Variants in SLC24A2 observed in about 807,000 individuals in gnomAD.
SLC24A2 encodes the protein solute carrier family 24 member 2, also known as sodium/potassium/calcium exchanger 2.
Under a neutral mutation model 62.0 loss-of-function variants are expected in SLC24A2, and 36 were observed. The ratio of observed to expected loss-of-function variants is 0.58; its 90% CI spans 0.44 to 0.77. The LOEUF is 0.77. Ranked by LOEUF, SLC24A2 falls within the 30% of genes least tolerant of loss-of-function variation. The pLI, the probability that SLC24A2 is intolerant of heterozygous loss-of-function variation, is 0.00. For synonymous variants in SLC24A2, 358 were observed against 294.0 expected (o/e 1.22, Z -2.23); for missense variants, 846 against 817.9 (o/e 1.03, Z -0.42).
chr9:20,165,835 C>G, the SLC24A2 span, among the ~76,000 whole-genome samples: 1 of 151,584 alleles, frequency 6.6e-6, no homozygotes, highest in Non-Finnish European at 1.5e-5. Context: ...AATAAACACA[C>G]CAGAAACAAA....
chr9:19,707,169 A>G (rs1461081059), intron 2 of SLC24A2, among the ~76,000 whole-genome samples: 8 of 151,720 alleles, frequency 5.3e-5, no homozygotes, highest in African/African-American at 1.5e-4. Context: ...AAATGGATAA[A>G]TTCCTCGACA....
At chr9:19,817,287 G>T in the SLC24A2 span, among the ~76,000 whole-genome samples, 4 of 151,654 alleles carry the variant, frequency 2.6e-5, no homozygotes, top group Non-Finnish European at 5.9e-5. Flanking sequence ...ACTCCTGCTT[G>T]AATTTTATCC....
chr9:20,039,591 A>G, the SLC24A2 span, among the ~76,000 whole-genome samples: 1 of 152,080 alleles, frequency 6.6e-6, no homozygotes, highest in Non-Finnish European at 1.5e-5. Context: ...GCAAGTCCCC[A>G]GTTCCTGGGC....
At chr9:19,662,521 G>T (rs1055189675) in intron 2 of SLC24A2, among the ~76,000 whole-genome samples, 1 of 152,194 alleles carries the variant, frequency 6.6e-6, no homozygotes, top group Non-Finnish European at 1.5e-5. Context: ...CATGCCCGGT[G>T]TTAGTTACCC....
At chr9:19,761,467 T>TTTTATTTTATTTTATTTTATTTTATTTTA (rs147911890) in intron 2 of SLC24A2, among the ~76,000 whole-genome samples, 2 of 150,194 alleles carry the variant, frequency 1.3e-5, no homozygotes, top group African/African-American at 4.9e-5. Context: ...TTTTTTAATT[T>TTTTATTTTATTTTATTTTATTTTATTTTA]TTTTATTTTA....
At chr9:20,176,767 T>C in the SLC24A2 span, among the ~76,000 whole-genome samples, 1 of 152,130 alleles carries the variant, frequency 6.6e-6, no homozygotes, top group Admixed American at 6.6e-5. Flanking sequence ...TGAGAAAATA[T>C]AAATGTATTG....
chr9:19,731,482 C>G (rs1821331519), intron 2 of SLC24A2, among the ~76,000 whole-genome samples: 1 of 150,310 alleles, frequency 6.7e-6, no homozygotes, highest in African/African-American at 2.5e-5. Flanking sequence ...AAAAGAGACA[C>G]TTAAGAACAC....
chr9:19,554,718 C>T (rs189021618), intron 7 of SLC24A2, among the ~76,000 whole-genome samples: 7 of 152,266 alleles, frequency 4.6e-5, no homozygotes, highest in African/African-American at 1.4e-4. Flanking sequence ...TCCTTCCTTC[C>T]TCTTTCTTGC....
chr9:19,617,594 C>G (rs573508294), intron 4 of SLC24A2, among the ~76,000 whole-genome samples: 2 of 152,164 alleles, frequency 1.3e-5, no homozygotes, highest in Non-Finnish European at 2.9e-5. Context: ...CCCAAAGGAT[C>G]GTCTTGCATA....
chr9:20,230,709 T>C, the SLC24A2 span, among the ~76,000 whole-genome samples: 1 of 152,356 alleles, frequency 6.6e-6, no homozygotes, highest in East Asian at 1.9e-4. Flanking sequence ...TAGTAGTTTC[T>C]TTTGCTGTGC....
the SLC24A2 span, among the ~76,000 whole-genome samples, chr9:19,817,565 G>A: frequency 6.6e-6 from 1 of 151,644 alleles, no homozygotes; most frequent in South Asian, 2.1e-4. Context: ...GCCATATGAA[G>A]TATTAGAGAT....
At chr9:19,590,465 C>T (rs976032290) in intron 5 of SLC24A2, among the ~76,000 whole-genome samples, 8 of 152,200 alleles carry the variant, frequency 5.3e-5, no homozygotes, top group Non-Finnish European at 4.4e-5. Flanking sequence ...CTCCAAACAC[C>T]CTGCTCTCCA....
At chr9:20,203,788 C>A in the SLC24A2 span, among the ~76,000 whole-genome samples, 1 of 152,042 alleles carries the variant, frequency 6.6e-6, no homozygotes, top group African/African-American at 2.4e-5. Flanking sequence ...ACATCCCAAC[C>A]CAAACTCTGT....
chr9:19,618,901 A>C (rs1163047391), intron 4 of SLC24A2, among the ~76,000 whole-genome samples: 1 of 152,206 alleles, frequency 6.6e-6, no homozygotes, highest in African/African-American at 2.4e-5. Flanking sequence ...GGGAATATTT[A>C]TGCAGCTGAA....
chr9:20,163,025 T>C, the SLC24A2 span, among the ~76,000 whole-genome samples: 1 of 152,262 alleles, frequency 6.6e-6, no homozygotes. Context: ...GCCAATATCA[T>C]ACCGAATGGG....
the SLC24A2 span, among the ~76,000 whole-genome samples, chr9:20,227,263 A>G: frequency 6.6e-6 from 1 of 152,228 alleles, no homozygotes; most frequent in East Asian, 1.9e-4. Context: ...ATGGTTTGCC[A>G]ATGAAAATCT....
the SLC24A2 span, among the ~76,000 whole-genome samples, chr9:19,890,431 C>A: frequency 2.0e-4 from 31 of 152,114 alleles, no homozygotes; most frequent in African/African-American, 6.8e-4. Flanking sequence ...TGTCAATGGG[C>A]AATTTTCTGC....
chr9:19,972,536 C>T, the SLC24A2 span, among the ~76,000 whole-genome samples: 2 of 152,100 alleles, frequency 1.3e-5, no homozygotes, highest in African/African-American at 4.8e-5. Context: ...AAGTGTGATT[C>T]CTGGACGTGT....
chr9:19,636,371 C>CTTTCTT (rs1818347440), intron 2 of SLC24A2, among the ~76,000 whole-genome samples: 3 of 33,550 alleles, frequency 8.9e-5, no homozygotes, highest in Admixed American at 7.7e-4. Context: ...TTCTTTCTTT[C>CTTTCTT]TTTCTTTCTT....
Sources: gnomAD v4.1 joint callset for allele counts (sites outside exome capture counted in the v4.1 genomes callset) on GRCh38, gnomAD v4.1.1 for gene constraint, MANE v1.5 for transcripts, NCBI Gene and HGNC (gene_info 2026-07-23, HGNC 2026-07-21) for gene names.